The following LRMDA variants were observed in gnomAD, a reference collection of about 807,000 sequenced individuals.
The protein encoded by LRMDA is leucine rich melanocyte differentiation associated.
Under a neutral mutation model 29.8 loss-of-function variants are expected in LRMDA, and 18 were observed. The observed-to-expected ratio is 0.60, with a 90% CI of 0.42 to 0.90. The LOEUF is 0.90. Among genes scored for constraint, LRMDA ranks in the 40% least tolerant of loss-of-function variants. The pLI, the probability that LRMDA is intolerant of heterozygous loss-of-function variation, is 0.00. For missense variants in LRMDA, 273 were observed against 273.9 expected (o/e 1.00, Z 0.02); for synonymous variants, 125 against 109.4 (o/e 1.14, Z -0.89).
intron 5 of LRMDA, among the ~76,000 whole-genome samples, chr10:76,226,373 G>A (rs1471257826): frequency 2.0e-5 from 3 of 151,532 alleles, no homozygotes; most frequent in Admixed American, 1.3e-4. Context: ...ACCTGAGGTC[G>A]GGAGTTCAAG....
intron 2 of LRMDA, among the ~76,000 whole-genome samples, chr10:75,564,188 A>C (rs1840339647): frequency 6.6e-6 from 1 of 152,124 alleles, no homozygotes; most frequent in African/African-American, 2.4e-5. Flanking sequence ...GGCTGCACCC[A>C]GTTGGAGCTT....
chr10:75,978,893 A>ATTTTT (rs1847119134), intron 2 of LRMDA, among the ~76,000 whole-genome samples: 1 of 152,208 alleles, frequency 6.6e-6, no homozygotes, highest in Admixed American at 6.5e-5. Context: ...AAAATTAAGT[A>ATTTTT]AATGCCGGCA....
At chr10:75,952,562 G>A (rs1470858537) in intron 2 of LRMDA, among the ~76,000 whole-genome samples, 1 of 152,168 alleles carries the variant, frequency 6.6e-6, no homozygotes, top group African/African-American at 2.4e-5. Flanking sequence ...CAAGGTGAGT[G>A]AGGGATACTT....
chr10:75,959,853 G>A (rs1426790923), intron 2 of LRMDA, among the ~76,000 whole-genome samples: 1 of 152,198 alleles, frequency 6.6e-6, no homozygotes, highest in Non-Finnish European at 1.5e-5. Flanking sequence ...TTTGTTACAT[G>A]TGCAATTTAA....
intron 5 of LRMDA, among the ~76,000 whole-genome samples, chr10:76,169,725 G>A (rs771270349): frequency 3.4e-4 from 52 of 152,180 alleles, no homozygotes; most frequent in Non-Finnish European, 4.0e-4. Flanking sequence ...ACCAAGTTCA[G>A]TGTTTTCAAG....
chr10:76,190,224 T>C (rs935454521), intron 5 of LRMDA, among the ~76,000 whole-genome samples: 7 of 151,990 alleles, frequency 4.6e-5, no homozygotes, highest in African/African-American at 1.5e-4. Context: ...TTAATTAAAT[T>C]AGGATTTAAA....
At chr10:76,239,214 G>A (rs2132282286) in intron 5 of LRMDA, among the ~76,000 whole-genome samples, 1 of 152,178 alleles carries the variant, frequency 6.6e-6, no homozygotes, top group Non-Finnish European at 1.5e-5. Context: ...TGGGTCTCAG[G>A]GGAGAGGCCC....
At chr10:76,224,776 A>G (rs1851921139) in intron 5 of LRMDA, among the ~76,000 whole-genome samples, 1 of 148,804 alleles carries the variant, frequency 6.7e-6, no homozygotes, top group Non-Finnish European at 1.5e-5. Context: ...AAATATAGGT[A>G]TGATCTAGGA....
In LRMDA at chr10:76,106,981, G is replaced by A. The variant is rs531664896; in HGVS notation, c.516+48198G>A. 7.0e-4 allele frequency among the ~76,000 whole-genome samples: 107 copies of A among 152,292 alleles called. 1 individual carries two copies. Among genetic ancestry groups the A allele is most frequent in the African/African-American group, 2.5e-3 (103 of 41,540 alleles). Reference sequence around the variant, plus strand: ...TCCATCATTCTAAAATATTCCCCCTGGAGTCCCAGAGCAGCTATTTCTGCC... The same window carrying A: ...TCCATCATTCTAAAATATTCCCCCTAGAGTCCCAGAGCAGCTATTTCTGCC... On this transcript the variant is annotated intron_variant, in intron 5 of 6. Coordinates refer to ENST00000611255, the MANE Select transcript of LRMDA (RefSeq NM_001305581.2).
intron 2 of LRMDA, among the ~76,000 whole-genome samples, chr10:75,867,204 C>A (rs570776091): frequency 6.6e-6 from 1 of 152,170 alleles, no homozygotes; most frequent in South Asian, 2.1e-4. Context: ...CACTCTGTTG[C>A]CAGACTGGAG....
At chr10:76,258,469 A>G (rs569550642) in intron 5 of LRMDA, among the ~76,000 whole-genome samples, 2 of 152,306 alleles carry the variant, frequency 1.3e-5, no homozygotes, top group Admixed American at 1.3e-4. Flanking sequence ...GGAACATTCA[A>G]TATCCTTCTT....
intron 2 of LRMDA, among the ~76,000 whole-genome samples, chr10:75,653,664 A>G (rs992036270): frequency 3.9e-5 from 6 of 152,234 alleles, no homozygotes; most frequent in Non-Finnish European, 7.3e-5. Context: ...GCTTCGCTAA[A>G]GAGCCATCTA....
At chr10:76,318,882 C>G (rs1358758333) in intron 5 of LRMDA, 1 of 152,148 alleles carries the variant, frequency 6.6e-6, no homozygotes, top group African/African-American at 2.4e-5. Context: ...CCCACACTTT[C>G]GTGTTGAATT....
rs186071771 is a variant in LRMDA at position 75,625,280 on chromosome 10, C to A, written c.131+186786C>A. On this transcript the variant is annotated intron_variant, in intron 2 of 6. Transcript: ENST00000611255. The stretch of plus-strand genomic sequence containing the variant: ...CAACTGTATTTAATCTTCATAACAA[C>A]CCTGTGAGAGAGGACTATCAATATT... 3.1e-3 allele frequency among the ~76,000 whole-genome samples: 479 copies of A among 152,300 alleles called. 7 individuals carry two copies. Among genetic ancestry groups the A allele is most frequent in the Non-Finnish European group, 4.0e-3 (271 of 68,028 alleles).
At chr10:76,241,133 G>T (rs990856838) in intron 5 of LRMDA, among the ~76,000 whole-genome samples, 1 of 152,018 alleles carries the variant, frequency 6.6e-6, no homozygotes, top group Non-Finnish European at 1.5e-5. Flanking sequence ...GGTGGTGAGG[G>T]ATAAAAGACT....
At chr10:76,320,432 C>T (rs1005335681) in intron 5 of LRMDA, among the ~76,000 whole-genome samples, 6 of 152,112 alleles carry the variant, frequency 3.9e-5, no homozygotes, top group African/African-American at 1.4e-4. Context: ...TTCTAGAGCT[C>T]ACTCTCAGTA....
intron 5 of LRMDA, among the ~76,000 whole-genome samples, chr10:76,228,178 C>T (rs529135621): frequency 1.8e-4 from 27 of 152,166 alleles, no homozygotes; most frequent in African/African-American, 5.3e-4. Flanking sequence ...CACGCCACCA[C>T]GCCCAGCTAA....
intron 6 of LRMDA, among the ~76,000 whole-genome samples, chr10:76,524,753 GC>G (rs1238432054): frequency 1.3e-5 from 2 of 152,194 alleles, no homozygotes; most frequent in African/African-American, 2.4e-5. Context: ...GACCAGGGTA[GC>G]TAAAAGAGAA....
At chr10:76,394,594 C>T (rs1429105795) in intron 6 of LRMDA, among the ~76,000 whole-genome samples, 4 of 152,100 alleles carry the variant, frequency 2.6e-5, no homozygotes, top group Admixed American at 2.0e-4. Context: ...TTTGAGTCAG[C>T]TCACTCAGCT....
Sources: allele counts gnomAD v4.1 joint callset (sites outside exome capture counted in the v4.1 genomes callset), GRCh38; gene constraint gnomAD v4.1.1; transcripts MANE v1.5; gene names NCBI Gene and HGNC (gene_info 2026-07-23, HGNC 2026-07-21).